The following ADGRL3 variants were observed in gnomAD, a reference collection of about 807,000 sequenced individuals.
The protein encoded by ADGRL3 is calcium-independent alpha-latrotoxin receptor 3.
A neutral mutation model predicts 153.5 loss-of-function variants in ADGRL3; 62 were observed. The observed-to-expected ratio is 0.40, with a 90% CI of 0.33 to 0.50. The LOEUF (loss-of-function observed/expected upper bound fraction) is 0.50, where lower values mean the gene tolerates loss of function less well. ADGRL3 is among the 20% of genes least tolerant of loss of function. ADGRL3 has a pLI of 0.47. For missense variants in ADGRL3, 1,641 were observed against 1,859.4 expected (o/e 0.88, Z 2.16); for synonymous variants, 710 against 672.5 (o/e 1.06, Z -0.86).
At chr4:61,505,365 T>C (rs1234278938) in intron 3 of ADGRL3, among the ~76,000 whole-genome samples, 1 of 152,154 alleles carries the variant, frequency 6.6e-6, no homozygotes, top group Non-Finnish European at 1.5e-5. Context: ...CCCATTCTTG[T>C]GGGTTGTCTC....
intron 8 of ADGRL3, among the ~76,000 whole-genome samples, chr4:61,736,406 C>A (rs2096513777): frequency 6.6e-6 from 1 of 152,122 alleles, no homozygotes; most frequent in South Asian, 2.1e-4. Flanking sequence ...GTAATCCCAG[C>A]ACTTTGGGAG....
intron 1 of ADGRL3, among the ~76,000 whole-genome samples, chr4:61,237,198 G>A (rs190234240): frequency 5.3e-5 from 8 of 152,126 alleles, no homozygotes; most frequent in East Asian, 1.9e-4. Context: ...TTTTCCAACC[G>A]TATATATTCA....
chr4:61,269,985 C>A (rs2093068939), intron 1 of ADGRL3, among the ~76,000 whole-genome samples: 1 of 151,668 alleles, frequency 6.6e-6, no homozygotes, highest in South Asian at 2.1e-4. Context: ...CAGAAACCAG[C>A]TCCTCTAATT....
intron 6 of ADGRL3, among the ~76,000 whole-genome samples, chr4:61,724,895 T>G (rs1384490211): frequency 4.6e-5 from 7 of 152,204 alleles, no homozygotes; most frequent in Non-Finnish European, 1.0e-4. Flanking sequence ...CAGGTTTGTT[T>G]CCAGTTATAA....
At chr4:61,336,004 G>T (rs190395570) in intron 1 of ADGRL3, among the ~76,000 whole-genome samples, 41 of 152,000 alleles carry the variant, frequency 2.7e-4, no homozygotes, top group African/African-American at 9.9e-4. Context: ...TTTATTTATT[G>T]TAAACATGTT....
chr4:62,027,156 A>C (rs749900912), intron 21 of ADGRL3, among the ~76,000 whole-genome samples: 1 of 152,040 alleles, frequency 6.6e-6, no homozygotes, highest in Non-Finnish European at 1.5e-5. Context: ...ATGTTTTATA[A>C]ATTTTTGATG....
intron 25 of ADGRL3, among the ~76,000 whole-genome samples, chr4:62,047,090 A>G (rs1258933165): frequency 6.6e-6 from 1 of 152,008 alleles, no homozygotes; most frequent in Non-Finnish European, 1.5e-5. Context: ...AAAAATCTAG[A>G]TACTACATCT....
intron 9 of ADGRL3, among the ~76,000 whole-genome samples, chr4:61,845,813 A>C (rs1346414178): frequency 6.6e-6 from 1 of 152,204 alleles, no homozygotes; most frequent in Non-Finnish European, 1.5e-5. Flanking sequence ...TCAGAAATTA[A>C]TAGGAATATA....
At chr4:61,351,287 C>A (rs923166790) in intron 1 of ADGRL3, among the ~76,000 whole-genome samples, 1 of 152,264 alleles carries the variant, frequency 6.6e-6, no homozygotes, top group East Asian at 1.9e-4. Flanking sequence ...TTGAAACTAG[C>A]AGATAATGGT....
At chr4:61,241,690 A>G (rs984860285) in intron 1 of ADGRL3, among the ~76,000 whole-genome samples, 2 of 152,038 alleles carry the variant, frequency 1.3e-5, no homozygotes, top group African/African-American at 2.4e-5. Flanking sequence ...AATATTTATC[A>G]CTTGTTTACA....
chr4:62,028,717 A>G, intron 21 of ADGRL3, 138 bp from the exon 22 acceptor site: 1 of 578,612 alleles, frequency 1.7e-6, no homozygotes, highest in Non-Finnish European at 3.0e-6. Flanking sequence ...TACCTTCTAG[A>G]TATAAAGGAT....
At chr4:61,265,735 T>C (rs527793171) in intron 1 of ADGRL3, among the ~76,000 whole-genome samples, 2 of 152,010 alleles carry the variant, frequency 1.3e-5, no homozygotes, top group Non-Finnish European at 2.9e-5. Context: ...TATAACATAC[T>C]GTAGAGGTTC....
chr4:61,998,568 CT>C (rs569156598), intron 21 of ADGRL3, among the ~76,000 whole-genome samples: 309 of 139,458 alleles, frequency 2.2e-3, no homozygotes, highest in East Asian at 3.3e-3. Flanking sequence ...GCAGGTTATT[CT>C]TTTTTTTTTT....
chr4:62,010,924 G>C lies in ADGRL3; in HGVS notation c.3395+12659G>C, dbSNP rs573911270. On this transcript the variant is annotated intron_variant, in intron 21 of 26. Coordinates refer to ENST00000683033, the MANE Select transcript of ADGRL3 (RefSeq NM_001387552.1). ...TATTTACCTTGGATTTTAAACTTTA[G>C]AATAAAGTTTCAAAACCAAGTTCAT... Among the ~76,000 whole-genome samples, 11 of 152,020 alleles carry C rather than the reference G, an allele frequency of 7.2e-5. No homozygotes were observed. The South Asian group carries it at 1.7e-3, about 23-fold the overall frequency.
At position 61,856,636 on chromosome 4, in the gene ADGRL3, G is replaced by A. The variant is rs1164722018; in HGVS notation, c.1481-36020G>A. ...TTTTTTTTTTTTTTTTTTTTTTTGC[G>A]ATGGAGTCTTGCTCTTATCACCCAG... On this transcript the variant is annotated intron_variant, in intron 9 of 26. Coordinates refer to ENST00000683033, the MANE Select transcript of ADGRL3 (RefSeq NM_001387552.1). Among the ~76,000 whole-genome samples the A allele has an allele frequency of 3.6e-3, 194 of 54,310 alleles. 1 individual carries two copies. The highest frequency in any genetic ancestry group is 0.014 in the African/African-American group (186 of 13,132). 35.6% of individuals were successfully genotyped at this position (54,310 alleles called of 152,430 possible).
At chr4:61,915,406 A>T (rs986991476) in intron 13 of ADGRL3, among the ~76,000 whole-genome samples, 11 of 151,696 alleles carry the variant, frequency 7.3e-5, no homozygotes, top group Non-Finnish European at 1.5e-4. Context: ...GCTGAAGATC[A>T]TTTCTGAGCT....
rs552438168 is a variant in ADGRL3, at chr4:61,546,119, T to C, written c.259+28601T>C. 7.0e-4 allele frequency among the ~76,000 whole-genome samples: 107 copies of C among 152,266 alleles called. 2 individuals carry two copies. In the South Asian group the frequency reaches 0.022, roughly 31 times the overall value. ...TGCTTCTGCTCTTACCCACTTGAAA[T>C]TAATTCTCCAGAGCACTGAGAGGGA... is the stretch of plus-strand genomic sequence containing the variant. On this transcript the variant is annotated intron_variant, in intron 4 of 26. Transcript: ENST00000683033.
chr4:61,820,505 C>G (rs762646168), intron 9 of ADGRL3, among the ~76,000 whole-genome samples: 3 of 152,156 alleles, frequency 2.0e-5, no homozygotes, highest in Non-Finnish European at 2.9e-5. Context: ...AATCAGCATT[C>G]AGCATTATAG....
At chr4:62,069,856 G>T (rs1744910258) in intron 26 of ADGRL3, among the ~76,000 whole-genome samples, 1 of 151,912 alleles carries the variant, frequency 6.6e-6, no homozygotes, top group Non-Finnish European at 1.5e-5. Context: ...TAATTTATAG[G>T]TTTTTAAAAA....
Sources: allele counts gnomAD v4.1 joint callset (sites outside exome capture counted in the v4.1 genomes callset), GRCh38; gene constraint gnomAD v4.1.1; transcripts MANE v1.5; gene names NCBI Gene and HGNC (gene_info 2026-07-23, HGNC 2026-07-21).